KDM4C: variants seen among roughly 807,000 people sequenced by gnomAD.
KDM4C encodes lysine demethylase 4C.
Under a neutral mutation model 129.3 loss-of-function variants are expected in KDM4C, and 81 were observed. That is an observed-to-expected ratio of 0.63 (90% CI 0.52 to 0.75). KDM4C has a LOEUF of 0.75. KDM4C is among the 30% of genes least tolerant of loss of function. KDM4C has a pLI of 0.00. For missense variants in KDM4C, 1,457 were observed against 1,304.0 expected, an observed-to-expected ratio of 1.12 and a Z score of -1.81; for synonymous variants, 573 against 456.1, an observed-to-expected ratio of 1.26 and a Z score of -3.26.
chr9:6,725,868 C>G (rs990997353), intron 1 of KDM4C, among the ~76,000 whole-genome samples: 2 of 148,136 alleles, frequency 1.4e-5, no homozygotes, highest in Admixed American at 1.4e-4. Flanking sequence ...TGCCACCACA[C>G]CTAGCTACTT....
At chr9:7,003,118 G>A (rs148947873) in intron 12 of KDM4C, among the ~76,000 whole-genome samples, 201 of 152,130 alleles carry the variant, frequency 1.3e-3, no homozygotes, top group African/African-American at 4.6e-3. Context: ...CATCTGCCTC[G>A]CCCTCCCAAA....
At chr9:7,159,121 GTT>G (rs1843507028) in intron 19 of KDM4C, among the ~76,000 whole-genome samples, 1 of 152,094 alleles carries the variant, frequency 6.6e-6, no homozygotes, top group South Asian at 2.1e-4. Context: ...TTTTGATTTT[GTT>G]GGTTTGAAGT....
intron 17 of KDM4C, among the ~76,000 whole-genome samples, chr9:7,096,101 G>A (rs1836402605): frequency 6.6e-6 from 1 of 152,244 alleles, no homozygotes; most frequent in South Asian, 2.1e-4. Flanking sequence ...ATAATTGTGT[G>A]CCCCTTTTGC....
chr9:6,784,540 T>C (rs1825060507), intron 1 of KDM4C, among the ~76,000 whole-genome samples: 1 of 152,210 alleles, frequency 6.6e-6, no homozygotes, highest in Non-Finnish European at 1.5e-5. Flanking sequence ...CCCACTGTAT[T>C]CTTTATAGCA....
At chr9:6,806,909 TCTCCCTCTC>T (rs1830089438) in intron 3 of KDM4C, among the ~76,000 whole-genome samples, 1 of 147,102 alleles carries the variant, frequency 6.8e-6, no homozygotes, top group East Asian at 1.9e-4. Context: ...TCCCTCTCCC[TCTCCCTCTC>T]CGTCTCCCCA....
chr9:7,014,164 T>C, intron 14 of KDM4C, 163 bp downstream of exon 14: 1 of 602,398 alleles, frequency 1.7e-6, no homozygotes, highest in South Asian at 2.4e-5. Flanking sequence ...TATGAGTTGG[T>C]ATATTCATCC....
chr9:6,841,737 C>T (rs1040594006), intron 4 of KDM4C, among the ~76,000 whole-genome samples: 2 of 152,130 alleles, frequency 1.3e-5, no homozygotes, highest in African/African-American at 4.8e-5. Flanking sequence ...ATAGCTATTC[C>T]ACTTGGTGGA....
intron 3 of KDM4C, among the ~76,000 whole-genome samples, chr9:6,813,985 G>C (rs1406539679): frequency 6.6e-6 from 1 of 152,040 alleles, no homozygotes; most frequent in South Asian, 2.1e-4. Flanking sequence ...CAAACATCCT[G>C]GGTCAACTGT....
At chr9:7,135,662 G>A (rs1332018468) in intron 19 of KDM4C, among the ~76,000 whole-genome samples, 1 of 152,228 alleles carries the variant, frequency 6.6e-6, no homozygotes, top group African/African-American at 2.4e-5. Flanking sequence ...AAACACAGAT[G>A]TAGGAGGAGT....
rs778939269 is a variant in KDM4C at position 6,746,262 on chromosome 9, GTTTTTTT to G, written c.49+25282_49+25288del. Among the ~76,000 whole-genome samples, 366 of 61,210 alleles carry G rather than the reference GTTTTTTT, an allele frequency of 6.0e-3. 8 individuals are homozygous for G. Among genetic ancestry groups the G allele is most frequent in the African/African-American group, 0.025 (346 of 13,576 alleles). 40.2% of individuals were successfully genotyped at this position (61,210 alleles called of 152,430 possible). A position where few individuals can be genotyped will look rare whatever the true frequency, so the allele number is the denominator to read the frequency against. On this transcript the variant is annotated intron_variant, in intron 1 of 17. Coordinates refer to the KDM4C transcript ENST00000536108. Reference sequence around the variant, plus strand: ...AGCCAGCCATTATATATATATATATGTTTTTTTTTTTTTTTTTTTTTTTGGAGACCGA... The same window carrying G: ...AGCCAGCCATTATATATATATATATGTTTTTTTTTTTTTTTTGGAGACCGA...
intron 17 of KDM4C, among the ~76,000 whole-genome samples, chr9:7,054,285 T>C (rs1044462716): frequency 6.6e-6 from 1 of 152,230 alleles, no homozygotes; most frequent in Admixed American, 6.5e-5. Context: ...CCAAGTGGTA[T>C]AGATTTAGAA....
chr9:7,036,183 C>G (rs1011255012), intron 15 of KDM4C, among the ~76,000 whole-genome samples: 1 of 151,912 alleles, frequency 6.6e-6, no homozygotes, highest in Non-Finnish European at 1.5e-5. Context: ...TATAGTTTCT[C>G]TTATAGTGGT....
chr9:6,827,355 G>T (rs1306080016), intron 4 of KDM4C, among the ~76,000 whole-genome samples: 1 of 152,202 alleles, frequency 6.6e-6, no homozygotes, highest in Non-Finnish European at 1.5e-5. Context: ...TTCAATGATA[G>T]TGAATTTTTG....
intron 8 of KDM4C, chr9:6,893,482 G>A (rs1019425723): frequency 7.0e-6 from 2 of 287,606 alleles, no homozygotes; most frequent in African/African-American, 2.2e-5. Flanking sequence ...TGCGACGTGT[G>A]TTTGCTTTTT....
intron 17 of KDM4C, among the ~76,000 whole-genome samples, chr9:7,061,583 C>A (rs771800995): frequency 6.6e-6 from 1 of 152,170 alleles, no homozygotes; most frequent in African/African-American, 2.4e-5. Flanking sequence ...AGAGAAGACT[C>A]GTCCAGTCTC....
intron 3 of KDM4C, among the ~76,000 whole-genome samples, chr9:6,809,317 A>G (rs577472406): frequency 6.6e-5 from 10 of 152,318 alleles, no homozygotes; most frequent in South Asian, 6.2e-4. Flanking sequence ...TATAAGTGCA[A>G]TGCTGTTGAA....
chr9:6,722,640 A>T (rs955339850), intron 1 of KDM4C, among the ~76,000 whole-genome samples: 5 of 151,516 alleles, frequency 3.3e-5, no homozygotes, highest in African/African-American at 4.9e-5. Context: ...CAGGCTCCCG[A>T]GTAGCTGCGA....
chr9:7,073,004 G>A (rs1833416115), intron 17 of KDM4C, among the ~76,000 whole-genome samples: 1 of 152,154 alleles, frequency 6.6e-6, no homozygotes, highest in Non-Finnish European at 1.5e-5. Flanking sequence ...AAAGTAGTAG[G>A]AGAAGTAGTG....
At chr9:7,061,612 C>A (rs1242391067) in intron 17 of KDM4C, among the ~76,000 whole-genome samples, 1 of 152,172 alleles carries the variant, frequency 6.6e-6, no homozygotes, top group Non-Finnish European at 1.5e-5. Flanking sequence ...AGGGTAAAAG[C>A]CTGGCTGTGG....
Sources: allele counts gnomAD v4.1 joint callset (sites outside exome capture counted in the v4.1 genomes callset), GRCh38; gene constraint gnomAD v4.1.1; transcripts MANE v1.5; gene names NCBI Gene and HGNC (gene_info 2026-07-23, HGNC 2026-07-21).